Variants in UBE2D2 observed in about 807,000 individuals in gnomAD.
UBE2D2 encodes ubiquitin-conjugating enzyme E2 D2.
In UBE2D2, 2 loss-of-function variants were observed where a neutral mutation model predicts 24.2. The ratio of observed to expected loss-of-function variants is 0.08; its 90% CI spans 0.03 to 0.26. The LOEUF is 0.26. Among genes scored for constraint, UBE2D2 ranks in the 10% least tolerant of loss-of-function variants. The probability of loss-of-function intolerance (pLI) is 1.00; values close to 1 mark genes in which losing one functional copy is unlikely to be tolerated. For synonymous variants in UBE2D2, 58 were observed against 56.5 expected (o/e 1.03, Z -0.12); for missense variants, 44 against 177.6 (o/e 0.25, Z 4.28).
chr5:139,567,769 A>G (rs964079268), intron 1 of UBE2D2, among the ~76,000 whole-genome samples: 1 of 144,036 alleles, frequency 6.9e-6, no homozygotes, highest in African/African-American at 2.6e-5. Context: ...CCTGACCTCC[A>G]GTGATCCACC....
intron 1 of UBE2D2, among the ~76,000 whole-genome samples, chr5:139,540,260 A>T (rs1752737412): frequency 6.6e-6 from 1 of 152,158 alleles, no homozygotes; most frequent in African/African-American, 2.4e-5. Flanking sequence ...GGGAAAATGG[A>T]TGAAGGGAAC....
chr5:139,575,670 A>G (rs1753454655), intron 1 of UBE2D2, among the ~76,000 whole-genome samples: 1 of 152,232 alleles, frequency 6.6e-6, no homozygotes, highest in African/African-American at 2.4e-5. Flanking sequence ...CCTGTAATGC[A>G]TCATGCCAAT....
intron 1 of UBE2D2, among the ~76,000 whole-genome samples, chr5:139,550,616 T>C (rs1269035524): frequency 2.0e-5 from 3 of 152,050 alleles, no homozygotes; most frequent in South Asian, 2.1e-4. Context: ...TTGCTGCTGC[T>C]CATTCTTTGG....
rs1420267487 is a variant in UBE2D2 at position 139,581,406 on chromosome 5, G to A, written c.25-18966G>A. Among the ~76,000 whole-genome samples the A allele has an allele frequency of 3.3e-5, 5 of 151,794 alleles. No homozygotes were observed. In the East Asian group the frequency reaches 5.8e-4, roughly 18 times the overall value. ...GGAGGTTGCAGTGAGCCGAGATCAC[G>A]CCACTGCACTCTAGCCTGGGTGACA... On this transcript the variant is annotated intron_variant, in intron 1 of 6. Transcript: ENST00000398733.
At chr5:139,624,854 G>A (rs181909795) in intron 6 of UBE2D2, among the ~76,000 whole-genome samples, 38 of 152,300 alleles carry the variant, frequency 2.5e-4, no homozygotes, top group Middle Eastern at 3.4e-3. Context: ...CTGGGAATGG[G>A]ATATTCTAAC....
chr5:139,619,949 G>A (rs1000030439), intron 5 of UBE2D2, among the ~76,000 whole-genome samples: 4 of 152,166 alleles, frequency 2.6e-5, no homozygotes, highest in Admixed American at 6.6e-5. Context: ...GTCCTCGGGA[G>A]CTTTTACTCA....
intron 1 of UBE2D2, among the ~76,000 whole-genome samples, chr5:139,543,212 T>C (rs1752781157): frequency 6.6e-6 from 1 of 152,158 alleles, no homozygotes; most frequent in Non-Finnish European, 1.5e-5. Flanking sequence ...CTTTTTAAAT[T>C]AAACAAAAAT....
chr5:139,551,134 C>T (rs1474264098), intron 1 of UBE2D2, among the ~76,000 whole-genome samples: 1 of 152,064 alleles, frequency 6.6e-6, no homozygotes, highest in East Asian at 1.9e-4. Context: ...TGTCTGAAGT[C>T]AGGAGTTCGA....
intron 1 of UBE2D2, among the ~76,000 whole-genome samples, chr5:139,569,671 T>A (rs1753309984): frequency 6.6e-6 from 1 of 152,144 alleles, no homozygotes; most frequent in Admixed American, 6.6e-5. Flanking sequence ...TTTTGGGTAA[T>A]AGAATCATAA....
chr5:139,593,400 T>C lies in UBE2D2; in HGVS notation c.25-6972T>C, dbSNP rs952957975. 5.3e-5 allele frequency among the ~76,000 whole-genome samples: 8 copies of C among 152,280 alleles called. No homozygotes were observed. In the South Asian group the frequency reaches 1.7e-3, roughly 32 times the overall value. On this transcript the variant is annotated intron_variant, in intron 1 of 6. Coordinates refer to ENST00000398733, the MANE Select transcript of UBE2D2 (RefSeq NM_003339.3). ...GTCCTTACCCTTGGGTTAGATACTT[T>C]GTATTTTGTTTTCTTATAAAATTGG...
intron 1 of UBE2D2, among the ~76,000 whole-genome samples, chr5:139,548,192 A>T (rs1033992658): frequency 1.9e-5 from 1 of 52,116 alleles, no homozygotes; most frequent in African/African-American, 2.8e-4. Context: ...AATAAAAAAA[A>T]AAAATAAATA....
Position 139,623,704 on chromosome 5 carries a change from T to G in UBE2D2, c.398+243T>G, listed in dbSNP as rs372407484. 351 of 347,712 alleles carry G rather than the reference T, an allele frequency of 1.0e-3. 1 individual carries two copies. The highest frequency in any genetic ancestry group is 4.4e-3 in the African/African-American group (213 of 48,196). 21.5% of individuals were successfully genotyped at this position (347,712 alleles called of 1,614,324 possible). On this transcript the variant is annotated intron_variant, in intron 6 of 6. Coordinates refer to ENST00000398733, the MANE Select transcript of UBE2D2 (RefSeq NM_003339.3). ...CAAAAACTTTTTTTTTTGTTTGTTT[T>G]TTTTTGAGACAGGGTCTTACTCTGT...
intron 2 of UBE2D2, 110 bp from the exon 3 acceptor site, chr5:139,614,476 A>T: frequency 7.9e-7 from 1 of 1,270,558 alleles, no homozygotes; most frequent in Non-Finnish European, 1.1e-6. Context: ...CATACTCATT[A>T]TCATATTATT....
intron 1 of UBE2D2, among the ~76,000 whole-genome samples, chr5:139,530,430 G>T (rs1420096832): frequency 6.6e-6 from 1 of 152,146 alleles, no homozygotes; most frequent in African/African-American, 2.4e-5. Flanking sequence ...GAAAAATAAT[G>T]AATGGCCCTC....
intron 1 of UBE2D2, among the ~76,000 whole-genome samples, chr5:139,530,568 A>C (rs921237055): frequency 3.9e-5 from 6 of 152,334 alleles, no homozygotes; most frequent in South Asian, 2.1e-4. Context: ...TATTACTAAT[A>C]AAACCGGTCA....
chr5:139,595,871 G>GT lies in UBE2D2; in HGVS notation c.25-4491dup, dbSNP rs200898806. ...TTATTTATTAACTAGTTTCTTGTGG[G>GT]TTTTTTTTTTGTTTTTTGTTGTTTT... On this transcript the variant is annotated intron_variant, in intron 1 of 6. Coordinates refer to ENST00000398733, the MANE Select transcript of UBE2D2 (RefSeq NM_003339.3). 1.3e-3 allele frequency among the ~76,000 whole-genome samples: 169 copies of GT among 134,376 alleles called. 1 individual carries two copies. The highest frequency in any genetic ancestry group is 3.8e-3 in the Middle Eastern group (1 of 264). 88.2% of individuals were successfully genotyped at this position (134,376 alleles called of 152,430 possible). A position where few individuals can be genotyped will look rare whatever the true frequency, so the allele number is the denominator to read the frequency against.
chr5:139,560,744 C>G (rs985692855), upstream of UBE2D2, among the ~76,000 whole-genome samples: 2 of 152,168 alleles, frequency 1.3e-5, no homozygotes, highest in Admixed American at 6.6e-5. Flanking sequence ...CTGGACACCT[C>G]GAAGGCACAC....
intron 1 of UBE2D2, among the ~76,000 whole-genome samples, chr5:139,565,874 G>A (rs1207117698): frequency 2.6e-5 from 4 of 152,182 alleles, no homozygotes; most frequent in Admixed American, 2.6e-4. Context: ...ACTGACCAGA[G>A]TTGGATACTA....
chr5:139,625,276 GT>G (rs535886136), intron 6 of UBE2D2, among the ~76,000 whole-genome samples: 231 of 84,988 alleles, frequency 2.7e-3, no homozygotes, highest in East Asian at 0.014. Flanking sequence ...TGGCTAATTT[GT>G]TTTTTTTTTT....
Sources: allele counts gnomAD v4.1 joint callset (sites outside exome capture counted in the v4.1 genomes callset), GRCh38; gene constraint gnomAD v4.1.1; transcripts MANE v1.5; gene names NCBI Gene and HGNC (gene_info 2026-07-23, HGNC 2026-07-21).